Variants in NOP9 observed in about 807,000 individuals in gnomAD.
The protein encoded by NOP9 is nucleolar protein 9.
NOP9 carries 50 observed loss-of-function variants against 63.0 expected under a neutral mutation model. The observed-to-expected ratio is 0.79, with a 90% CI of 0.63 to 1.00. The LOEUF is 1.00. Among genes scored for constraint, NOP9 ranks in the 50% least tolerant of loss-of-function variants. The pLI is 0.00. For synonymous variants in NOP9, 343 were observed against 332.8 expected, an observed-to-expected ratio of 1.03 and a Z score of -0.33; for missense variants, 758 against 803.0, an observed-to-expected ratio of 0.94 and a Z score of 0.68.
chr14:24,291,224 G>A, the NOP9 span: 28 of 1,613,938 alleles, frequency 1.7e-5, no homozygotes, highest in African/African-American at 2.1e-4. Flanking sequence ...TGGGATCTGC[G>A]GGCACACAGA....
chr14:24,291,634 CAG>C, the NOP9 span: 53 of 1,613,890 alleles, frequency 3.3e-5, no homozygotes, highest in East Asian at 5.3e-4. Context: ...AACTGAAACA[CAG>C]GGGCAGAGAA....
At chr14:24,290,676 A>T in the NOP9 span, 7 of 638,662 alleles carry the variant, frequency 1.1e-5, no homozygotes, top group Non-Finnish European at 1.6e-5. Context: ...AAGGACAAGG[A>T]AAACCAAGGC....
chr14:24,296,767 G>A (rs930033261), upstream of NOP9: 15 of 1,614,086 alleles, frequency 9.3e-6, no homozygotes, highest in African/African-American at 1.7e-4. Flanking sequence ...TTGTTGACCA[G>A]CACATCTAGA....
At chr14:24,274,218 A>C in the NOP9 span, among the ~76,000 whole-genome samples, 1 of 152,172 alleles carries the variant, frequency 6.6e-6, no homozygotes, top group Non-Finnish European at 1.5e-5. Context: ...AGATGCCCTC[A>C]AGTGCAGATT....
chr14:24,300,783 G>C lies in NOP9; in HGVS notation c.623G>C (p.Arg208Thr). The C allele has an allele frequency of 6.2e-7, 1 of 1,614,220 alleles. No homozygotes were observed. Among genetic ancestry groups the C allele is most frequent in the Non-Finnish European group, 8.5e-7 (1 of 1,180,040 alleles). Reference protein sequence around the residue: ...CGDTHGSFVVRTLLQVLGGTI... With the variant: ...CGDTHGSFVVTTLLQVLGGTI... ...GACACACATGGCAGCTTCGTGGTCA[G>C]AACTCTGCTTCAGGTGTTAGGAGGG... Residue 208 changes from arginine (R) to threonine (T), a missense_variant, in exon 2 of 10, where the codon AGA becomes ACA. Physicochemically the swap from Arg to Thr is moderately conservative, Grantham distance 71. Transcript: ENST00000267425.
In NOP9 at chr14:24,300,727, G is replaced by T. The variant is rs1416897581; in HGVS notation, c.567G>T (p.Glu189Asp). 1 of 1,614,038 alleles carries T rather than the reference G, an allele frequency of 6.2e-7. No individual in the cohort carries two copies. The highest frequency in any genetic ancestry group is 8.5e-7 in the Non-Finnish European group (1 of 1,180,044). ...AGCTGGTCCTGGGACTAGCCGCTGAGGTGTGTGATGATTTTCTTGTCTACT... is the reference window on the plus strand; with the variant it reads ...AGCTGGTCCTGGGACTAGCCGCTGATGTGTGTGATGATTTTCTTGTCTACT... ...LEELVLGLAAEVCDDFLVYCG... is the reference protein window; with the variant it reads ...LEELVLGLAADVCDDFLVYCG... Residue 189 changes from glutamate to aspartate, a missense_variant, in exon 2 of 10, where the codon GAG (glutamate) becomes GAT (aspartate). Glu to Asp is a conservative substitution (Grantham distance 45). Coordinates refer to ENST00000267425, the MANE Select transcript of NOP9 (RefSeq NM_174913.3).
rs2041351706 is a variant in NOP9, at chr14:24,300,514, C to T, written c.354C>T (p.Pro118=). 6.2e-7 allele frequency: 1 copy of T among 1,614,262 alleles called. No individual in the cohort carries two copies. Among genetic ancestry groups the T allele is most frequent in the African/African-American group, 1.3e-5 (1 of 75,070 alleles). The change falls in exon 2 of 10, where the codon CCC becomes CCT. Residue 118 remains proline (P), a synonymous_variant. Coordinates refer to ENST00000267425, the MANE Select transcript of NOP9 (RefSeq NM_174913.3). ...EMLQELLGFS[P]LKPLCRVWAA... ...TGCAGGAACTGTTGGGATTCAGTCC[C>T]TTGAAACCGCTTTGTCGCGTGTGGG...
At chr14:24,281,150 A>G in the NOP9 span, among the ~76,000 whole-genome samples, 2 of 152,172 alleles carry the variant, frequency 1.3e-5, no homozygotes, top group African/African-American at 4.8e-5. Context: ...GAGGCATCCA[A>G]GGCTCCCACT....
At chr14:24,296,590 T>C, upstream of NOP9, 1 of 1,613,726 alleles carries the variant, frequency 6.2e-7, no homozygotes, top group Non-Finnish European at 8.5e-7. Flanking sequence ...CAGGATCGTC[T>C]GGAAGGCACA....
upstream of NOP9, among the ~76,000 whole-genome samples, chr14:24,297,395 C>G (rs1157399754): frequency 6.6e-6 from 1 of 152,206 alleles, no homozygotes; most frequent in Non-Finnish European, 1.5e-5. Flanking sequence ...CCTGTTCTGT[C>G]TCACTCTCTA....
the NOP9 span, among the ~76,000 whole-genome samples, chr14:24,278,106 G>A: frequency 3.3e-5 from 5 of 152,112 alleles, no homozygotes; most frequent in Admixed American, 6.5e-5. Context: ...TCTGACCATC[G>A]CAGAGCACAG....
At position 24,300,407 on chromosome 14, in the gene NOP9, G is replaced by A; in HGVS notation, c.248-1G>A. 6.2e-7 allele frequency: 1 copy of A among 1,609,840 alleles called. No individual in the cohort carries two copies. The highest frequency in any genetic ancestry group is 1.7e-5 in the Admixed American group (1 of 59,304). ...AAAGTGTGTCTTTCTTCCCTTTTCA[G>A]ATCTGATGGTGCACAATATAATGAA... On this transcript the variant is annotated splice_acceptor_variant, in intron 1 of 9. Coordinates refer to ENST00000267425, the MANE Select transcript of NOP9 (RefSeq NM_174913.3). LOFTEE classifies it high-confidence loss of function.
the NOP9 span, chr14:24,292,936 A>C: frequency 3.3e-6 from 3 of 911,204 alleles, no homozygotes; most frequent in South Asian, 6.3e-5. Context: ...TAGGGGCTTG[A>C]GGCCATATTC....
rs763653807 is a variant in NOP9, at chr14:24,302,378, A to G, written c.1097A>G (p.Asn366Ser). Reference sequence around the variant, plus strand: ...ACCCTGGCTGCACATCCCATTGCCAACTTCCCTTTGCAGCGCTTACTGGAT... The same window carrying G: ...ACCCTGGCTGCACATCCCATTGCCAGCTTCCCTTTGCAGCGCTTACTGGAT... Reference protein sequence around the residue: ...LQTLAAHPIANFPLQRLLDAV... With the variant: ...LQTLAAHPIASFPLQRLLDAV... The change falls in exon 5 of 10, where the codon AAC (asparagine) becomes AGC (serine). Residue 366 changes from asparagine (N) to serine (S), a missense_variant. Coordinates refer to ENST00000267425, the MANE Select transcript of NOP9 (RefSeq NM_174913.3). 50 of 1,613,812 alleles carry G rather than the reference A, an allele frequency of 3.1e-5. No individual in the cohort carries two copies. The highest frequency in any genetic ancestry group is 2.4e-4 in the South Asian group (22 of 91,084).
upstream of NOP9, among the ~76,000 whole-genome samples, chr14:24,295,572 T>C (rs2041235652): frequency 6.6e-6 from 1 of 152,194 alleles, no homozygotes; most frequent in Admixed American, 6.5e-5. Flanking sequence ...GGTCTGGGCC[T>C]CTGCCTTGAA....
the NOP9 span, among the ~76,000 whole-genome samples, chr14:24,280,694 A>G: frequency 6.6e-6 from 1 of 152,230 alleles, no homozygotes; most frequent in Non-Finnish European, 1.5e-5. Context: ...AGTTGGGGAG[A>G]CAGTCCCTGT....
At chr14:24,291,979 TA>T in the NOP9 span, 1 of 685,080 alleles carries the variant, frequency 1.5e-6, no homozygotes, top group East Asian at 2.7e-5. Flanking sequence ...AACAAGTTTC[TA>T]AACCTCTCTG....
At chr14:24,296,894 A>T (rs1225944204), upstream of NOP9, 6 of 1,612,398 alleles carry the variant, frequency 3.7e-6, no homozygotes, top group East Asian at 2.3e-5. Flanking sequence ...GGAGTAGGAC[A>T]GGGGATATGA....
At chr14:24,285,200 A>G in the NOP9 span, among the ~76,000 whole-genome samples, 2 of 152,162 alleles carry the variant, frequency 1.3e-5, no homozygotes, top group Non-Finnish European at 2.9e-5. Context: ...TCTCACAGCC[A>G]TGTTTGGGTC....
Sources: gnomAD v4.1 joint callset for allele counts (sites outside exome capture counted in the v4.1 genomes callset) on GRCh38, gnomAD v4.1.1 for gene constraint, MANE v1.5 for transcripts, NCBI Gene and HGNC (gene_info 2026-07-23, HGNC 2026-07-21) for gene names.